Variants in FLCN observed in about 807,000 individuals in gnomAD.
The protein encoded by FLCN is folliculin, also known as BHD skin lesion fibrofolliculoma protein.
A neutral mutation model predicts 62.5 loss-of-function variants in FLCN; 22 were observed. That is an observed-to-expected ratio of 0.35 (90% CI 0.25 to 0.50). The LOEUF is 0.50. Among genes scored for constraint, FLCN ranks in the 20% least tolerant of loss-of-function variants. The pLI is 0.97. For synonymous variants in FLCN, 319 were observed against 310.0 expected (o/e 1.03, Z -0.30); for missense variants, 657 against 778.0 (o/e 0.84, Z 1.85).
chr17:17,222,723 ACTCGTT>A, intron 6 of FLCN, 62 bp from the exon 7 acceptor site: 1 of 1,605,850 alleles, frequency 6.2e-7, no homozygotes, highest in Non-Finnish European at 8.5e-7. Context: ...TCGGACCCCT[ACTCGTT>A]CACAGCCAAC....
rs1389640765 is a variant in FLCN at position 17,213,517 on chromosome 17, C to T, written c.*138G>A. 3 of 1,210,908 alleles carry T rather than the reference C, an allele frequency of 2.5e-6. No homozygotes were observed. Among genetic ancestry groups the T allele is most frequent in the South Asian group, 2.5e-5 (2 of 79,066 alleles). 75.0% of individuals were successfully genotyped at this position (1,210,908 alleles called of 1,614,324 possible). The stretch of plus-strand genomic sequence containing the variant: ...GGCCCCAAACCTGACAGGGCCGAGC[C>T]CAGCCCTGATGGTTTCCCTTCCTTG... On this transcript the variant is annotated 3_prime_UTR_variant, in exon 14 of 14. Transcript: ENST00000285071.
chr17:17,233,807 T>A (rs1479123448), intron 1 of FLCN, among the ~76,000 whole-genome samples: 1 of 134,370 alleles, frequency 7.4e-6, no homozygotes, highest in Non-Finnish European at 1.6e-5. Context: ...CACTGCAACC[T>A]CTGCCTCCCA....
intron 1 of FLCN, among the ~76,000 whole-genome samples, chr17:17,235,241 T>C (rs1336941933): frequency 2.0e-5 from 3 of 150,422 alleles, no homozygotes; most frequent in East Asian, 2.0e-4. Flanking sequence ...GATCGCACCA[T>C]TGCACTCCAG....
intron 8 of FLCN, among the ~76,000 whole-genome samples, chr17:17,219,412 A>G (rs2047022868): frequency 6.6e-6 from 1 of 152,180 alleles, no homozygotes; most frequent in East Asian, 1.9e-4. Flanking sequence ...GGTACCACAC[A>G]TCTCTCTTAG....
At chr17:17,221,386 G>C (rs370191956) in intron 8 of FLCN, 151 bp downstream of exon 8, 1 of 1,612,652 alleles carries the variant, frequency 6.2e-7, no homozygotes, top group East Asian at 2.2e-5. Context: ...CAATCACACC[G>C]AGATCGGAGG....
At chr17:17,222,262 A>G (rs1387598950) in intron 7 of FLCN, among the ~76,000 whole-genome samples, 1 of 152,180 alleles carries the variant, frequency 6.6e-6, no homozygotes, top group African/African-American at 2.4e-5. Context: ...ACTTGAACCC[A>G]GGAAGAAGTG....
intron 1 of FLCN, among the ~76,000 whole-genome samples, chr17:17,235,073 G>T (rs541742461): frequency 1.7e-4 from 24 of 141,906 alleles, no homozygotes; most frequent in African/African-American, 6.3e-4. Context: ...TCGCACCACT[G>T]CACTCCAGCC....
At chr17:17,228,338 G>A in intron 3 of FLCN, 177 bp from the exon 4 acceptor site, 2 of 683,142 alleles carry the variant, frequency 2.9e-6, no homozygotes, top group East Asian at 5.5e-5. Context: ...GAGAGGAACA[G>A]AGATAGGATC....
intron 9 of FLCN, 98 bp downstream of exon 9, chr17:17,218,921 T>A: frequency 7.2e-7 from 1 of 1,395,158 alleles, no homozygotes. Context: ...CTGCAGGGTT[T>A]TGAAGGTGGA....
At position 17,227,918 on chromosome 17, in the gene FLCN, G is replaced by C. The variant is rs1432861054; in HGVS notation, c.220C>G (p.Pro74Ala). The change falls in exon 4 of 14, where the codon CCG becomes GCG. Residue 74 changes from proline to alanine, a missense_variant. Coordinates refer to ENST00000285071, the MANE Select transcript of FLCN (RefSeq NM_144997.7). ...AEGASVESSSPGPKKSDMCEG... is the reference protein window; with the variant it reads ...AEGASVESSSAGPKKSDMCEG... Reference sequence around the variant, plus strand: ...CACATGTCCGACTTTTTGGGCCCCGGGCTGCTGGACTCGACGCTGGCCCCC... The same window carrying C: ...CACATGTCCGACTTTTTGGGCCCCGCGCTGCTGGACTCGACGCTGGCCCCC... The C allele has an allele frequency of 6.2e-7, 1 of 1,614,138 alleles. No individual in the cohort carries two copies.
intron 1 of FLCN, among the ~76,000 whole-genome samples, chr17:17,236,339 T>C (rs2047581063): frequency 6.6e-6 from 1 of 152,186 alleles, no homozygotes. Context: ...CTGCCACTAT[T>C]ACTCAATTAC....
chr17:17,214,954 G>T, intron 13 of FLCN, 31 bp downstream of exon 13: 1 of 1,607,038 alleles, frequency 6.2e-7, no homozygotes, highest in South Asian at 1.1e-5. Flanking sequence ...AGGGTCGCAA[G>T]CAAAGGGGCC....
At chr17:17,220,531 G>A (rs1174533002) in intron 8 of FLCN, 1 of 152,326 alleles carries the variant, frequency 6.6e-6, no homozygotes, top group African/African-American at 2.4e-5. Context: ...GTGCACGTCA[G>A]AAGCAAATCC....
rs747922795 is a variant in FLCN, at chr17:17,226,170, G to A, written c.396+6C>T. The A allele has an allele frequency of 6.8e-6, 11 of 1,613,818 alleles. No individual in the cohort carries two copies. The highest frequency in any genetic ancestry group is 1.3e-5 in the African/African-American group (1 of 74,878). On this transcript the variant is annotated splice_donor_region_variant and intron_variant, in intron 5 of 13. Coordinates refer to ENST00000285071, the MANE Select transcript of FLCN (RefSeq NM_144997.7). ...CAGAGACAGGCTCTGTGGCCACAAGGCTCACCTCACAGCTCAGGCTCCGGA... is the reference window on the plus strand; with the variant it reads ...CAGAGACAGGCTCTGTGGCCACAAGACTCACCTCACAGCTCAGGCTCCGGA...
intron 1 of FLCN, among the ~76,000 whole-genome samples, chr17:17,233,658 G>T (rs896340611): frequency 3.3e-5 from 5 of 149,584 alleles, no homozygotes; most frequent in Non-Finnish European, 5.9e-5. Flanking sequence ...TTACTTGGGG[G>T]ACTAAGTTGG....
At chr17:17,225,052 A>T (rs77045844) in intron 5 of FLCN, 11,239 of 152,292 alleles carry the variant, frequency 0.074, 589 homozygotes, top group East Asian at 0.18. Flanking sequence ...CACCAATGAC[A>T]AGGAAGTTTA....
chr17:17,225,736 T>C (rs1036195920), intron 5 of FLCN: 14 of 276,782 alleles, frequency 5.1e-5, no homozygotes, highest in African/African-American at 1.8e-4. Context: ...CAAACCCCAG[T>C]TGAGCATGGT....
rs1298101240 is a variant in FLCN at position 17,212,225 on chromosome 17, A to T, written c.*1430T>A. 1 of 167,704 alleles carries T rather than the reference A, an allele frequency of 6.0e-6. No homozygotes were observed. The highest frequency in any genetic ancestry group is 1.3e-5 in the Non-Finnish European group (1 of 76,740). The allele number at this position is 167,704 out of a possible 1,614,324, so 10.4% of individuals were successfully genotyped here. ...ATGTAGTAACAATTTACAAAAATAC[A>T]TCTTTATTGTGTTCCAATGTTGTTG... On this transcript the variant is annotated 3_prime_UTR_variant, in exon 14 of 14. Transcript: ENST00000285071.
chr17:17,230,441 G>GA (rs1278461722), intron 3 of FLCN, among the ~76,000 whole-genome samples: 5 of 152,066 alleles, frequency 3.3e-5, no homozygotes, highest in African/African-American at 1.2e-4. Flanking sequence ...TGAGGCACGA[G>GA]AATCACTTGA....
Sources: allele counts gnomAD v4.1 joint callset (sites outside exome capture counted in the v4.1 genomes callset), GRCh38; gene constraint gnomAD v4.1.1; transcripts MANE v1.5; gene names NCBI Gene and HGNC (gene_info 2026-07-23, HGNC 2026-07-21).